SGTA: variants seen among roughly 807,000 people sequenced by gnomAD.
The protein encoded by SGTA is small glutamine-rich tetratricopeptide repeat-containing protein alpha.
In SGTA, 22 loss-of-function variants were observed where a neutral mutation model predicts 44.3. The observed-to-expected ratio is 0.50, with a 90% CI of 0.36 to 0.71. The LOEUF is 0.71. Ranked by LOEUF, SGTA falls within the 30% of genes least tolerant of loss-of-function variation. The probability of loss-of-function intolerance (pLI) is 0.00; values close to 1 mark genes in which losing one functional copy is unlikely to be tolerated. For synonymous variants in SGTA, 174 were observed against 177.6 expected (o/e 0.98, Z 0.16); for missense variants, 341 against 435.9 (o/e 0.78, Z 1.94).
intron 11 of SGTA, among the ~76,000 whole-genome samples, chr19:2,756,727 G>A (rs541122509): frequency 6.6e-6 from 1 of 151,854 alleles, no homozygotes; most frequent in Non-Finnish European, 1.5e-5. Context: ...TGCTGGAGAC[G>A]GACAGGACTG....
At chr19:2,772,495 G>A (rs1024812321) in intron 1 of SGTA, among the ~76,000 whole-genome samples, 1 of 152,220 alleles carries the variant, frequency 6.6e-6, no homozygotes, top group Non-Finnish European at 1.5e-5. Context: ...GACCCTCTGC[G>A]CGCAGCCACG....
rs547485993 is a variant in SGTA at position 2,768,907 on chromosome 19, A to G, written c.100+62T>C. 5 of 1,230,216 alleles carry G rather than the reference A, an allele frequency of 4.1e-6. No individual in the cohort carries two copies. In the African/African-American group the frequency reaches 7.4e-5, roughly 18 times the overall value. The allele number at this position is 1,230,216 out of a possible 1,614,324, so 76.2% of individuals were successfully genotyped here. On this transcript the variant is annotated intron_variant, in intron 2 of 11. Transcript: ENST00000221566. ...CCAGGCATCTACACACCAGGTGTCTACACGAGGCGACTGTGCTGGCCGCTG... is the reference window on the plus strand; with the variant it reads ...CCAGGCATCTACACACCAGGTGTCTGCACGAGGCGACTGTGCTGGCCGCTG...
Position 2,763,539 on chromosome 19 carries a change from C to G in SGTA, c.497+114G>C, listed in dbSNP as rs946161148. The G allele has an allele frequency of 1.0e-5, 7 of 691,352 alleles. No homozygotes were observed. In the South Asian group the frequency reaches 1.3e-4, roughly 13 times the overall value. 42.8% of individuals were successfully genotyped at this position (691,352 alleles called of 1,614,324 possible). ...AGCTAGTGTCAGAGTTGAACTGAAC[C>G]GGGGTGGGAGAATTCGTTGTGGGTG... On this transcript the variant is annotated intron_variant, in intron 6 of 11. Coordinates refer to ENST00000221566, the MANE Select transcript of SGTA (RefSeq NM_003021.4). The surrounding 1 kb of genome is among the most constrained non-coding windows in gnomAD (Gnocchi z 5.8).
intron 5 of SGTA, among the ~76,000 whole-genome samples, chr19:2,764,402 T>C (rs1915082488): frequency 6.6e-6 from 1 of 152,214 alleles, no homozygotes; most frequent in Non-Finnish European, 1.5e-5. Flanking sequence ...TGTATTTATG[T>C]ATTTATTATT....
chr19:2,778,936 AT>A (rs1347496039), intron 1 of SGTA, among the ~76,000 whole-genome samples: 1 of 152,132 alleles, frequency 6.6e-6, no homozygotes. Context: ...AGCAAGCTCA[AT>A]TTTTTTCCCA....
In SGTA at chr19:2,759,230, A is replaced by T. The variant is rs199780734; in HGVS notation, c.737+27T>A. The T allele has an allele frequency of 2.3e-4, 365 of 1,610,374 alleles. No individual in the cohort carries two copies. The African/African-American group carries it at 4.2e-3, about 19-fold the overall frequency. ...TAAAAGGAAATTTAACCACAACAAGACCCGAAGAAACCCGGTTGTCACTTA... is the reference window on the plus strand; with the variant it reads ...TAAAAGGAAATTTAACCACAACAAGTCCCGAAGAAACCCGGTTGTCACTTA... On this transcript the variant is annotated intron_variant, in intron 9 of 11. Coordinates refer to ENST00000221566, the MANE Select transcript of SGTA (RefSeq NM_003021.4).
At position 2,757,767 on chromosome 19, in the gene SGTA, A is replaced by T; in HGVS notation, c.753T>A (p.Ile251=). ...PQIQQLMSGM[I]SGGNNPLGTP... is the part of the protein sequence containing the mutation. ...TTCCCAAGGGGTTGTTGCCACCCGA[A>T]ATCATGCCGGACATGCTGCAGGAGA... Residue 251 remains isoleucine (I), a synonymous_variant, in exon 10 of 12, where the codon ATT becomes ATA. Coordinates refer to ENST00000221566, the MANE Select transcript of SGTA (RefSeq NM_003021.4). 1 of 1,601,694 alleles carries T rather than the reference A, an allele frequency of 6.2e-7. No individual in the cohort carries two copies. The highest frequency in any genetic ancestry group is 1.1e-5 in the South Asian group (1 of 88,606).
rs1289624709 is a variant in SGTA, at chr19:2,762,505, C to T, written c.636+1G>A. 2 of 1,613,746 alleles carry T rather than the reference C, an allele frequency of 1.2e-6. No individual in the cohort carries two copies. The highest frequency in any genetic ancestry group is 8.5e-7 in the Non-Finnish European group (1 of 1,179,922). On this transcript the variant is annotated splice_donor_variant, in intron 7 of 11. Transcript: ENST00000221566. LOFTEE classifies it high-confidence loss of function. ...GAGCCACTCGCCCCCGCTGCACTCA[C>T]GGGGCTGGGGGCCTCCCGCAGCTTC...
intron 1 of SGTA, chr19:2,778,054 G>A (rs1006044493): frequency 2.7e-5 from 4 of 149,620 alleles, no homozygotes; most frequent in Non-Finnish European, 4.4e-5. Flanking sequence ...ACCTGGCTGA[G>A]TCCCCGCATA....
At position 2,769,022 on chromosome 19, in the gene SGTA, T is replaced by A; in HGVS notation, c.47A>T (p.His16Leu). ...RLAYAIIQFL[H>L]DQLRHGGLSS... is the part of the protein sequence containing the mutation. ...GAGGCCCCCGTGCCGGAGCTGGTCATGCAGGAACTGGATGATGGCGTAGGC... is the reference window on the plus strand; with the variant it reads ...GAGGCCCCCGTGCCGGAGCTGGTCAAGCAGGAACTGGATGATGGCGTAGGC... The change falls in exon 2 of 12, where the codon CAT (histidine) becomes CTT (leucine). Residue 16 changes from histidine (H) to leucine (L), a missense_variant. By Grantham distance (99) the His-to-Leu change is moderately conservative (BLOSUM62 -3). Transcript: ENST00000221566. 6.2e-7 allele frequency: 1 copy of A among 1,614,044 alleles called. No individual in the cohort carries two copies. Among genetic ancestry groups the A allele is most frequent in the Non-Finnish European group, 8.5e-7 (1 of 1,179,978 alleles).
chr19:2,780,895 G>C (rs1376348266), intron 1 of SGTA, among the ~76,000 whole-genome samples: 1 of 152,158 alleles, frequency 6.6e-6, no homozygotes, highest in African/African-American at 2.4e-5. Context: ...GACCAGCCTG[G>C]GCAACACAGT....
At position 2,767,602 on chromosome 19, in the gene SGTA, A is replaced by C; in HGVS notation, c.185T>G (p.Phe62Cys). 1.2e-6 allele frequency: 2 copies of C among 1,613,430 alleles called. No homozygotes were observed. Among genetic ancestry groups the C allele is most frequent in the African/African-American group, 2.7e-5 (2 of 75,044 alleles). Reference sequence around the variant, plus strand: ...CACCTTGCCCGTGGCAGCCGCTTCAAATATCTCCGGCAGAGTCTGAGGGAG... The same window carrying C: ...CACCTTGCCCGTGGCAGCCGCTTCACATATCTCCGGCAGAGTCTGAGGGAG... ...LALPQTLPEI[F>C]EAAATGKEMP... The change falls in exon 3 of 12, where the codon TTT becomes TGT. Residue 62 changes from phenylalanine to cysteine, a missense_variant. Physicochemically the swap from Phe to Cys is radical, Grantham distance 205. Coordinates refer to ENST00000221566, the MANE Select transcript of SGTA (RefSeq NM_003021.4). This position sits in a 1 kb window ranked among gnomAD's most constrained non-coding sequence, Gnocchi z 7.3.
chr19:2,761,422 G>A lies in SGTA; in HGVS notation c.699+38C>T, dbSNP rs1451218184. On this transcript the variant is annotated intron_variant, in intron 8 of 11. Coordinates refer to ENST00000221566, the MANE Select transcript of SGTA (RefSeq NM_003021.4). The surrounding 1 kb of genome is among the most constrained non-coding windows in gnomAD (Gnocchi z 5.7). ...AGCAGATGCGGGCCTGGGGGGTGGC[G>A]CAGACACCATGGACAGGGAGGAGGG... is the stretch of plus-strand genomic sequence containing the variant. 13 of 1,521,458 alleles carry A rather than the reference G, an allele frequency of 8.5e-6. No homozygotes were observed. The highest frequency in any genetic ancestry group is 5.9e-5 in the Admixed American group (3 of 50,928). The allele number at this position is 1,521,458 out of a possible 1,614,324, so 94.2% of individuals were successfully genotyped here.
rs1365517018 is a variant in SGTA, at chr19:2,755,631, GGGAGCACCCCA to G, written c.*298_*308del. ...CCTGCCACTTCTCTGAGAGCGGCCC[GGGAGCACCCCA>G]GGATTCTAGAAAACACTCAAGTGAC... On this transcript the variant is annotated 3_prime_UTR_variant, in exon 12 of 12. Transcript: ENST00000221566. The surrounding 1 kb of genome is among the most constrained non-coding windows in gnomAD (Gnocchi z 5.2). 2.4e-5 allele frequency: 24 copies of G among 985,392 alleles called. No individual in the cohort carries two copies. Among genetic ancestry groups the G allele is most frequent in the Non-Finnish European group, 2.9e-5 (24 of 829,988 alleles). The allele number at this position is 985,392 out of a possible 1,614,324, so 61.0% of individuals were successfully genotyped here. A position where few individuals can be genotyped will look rare whatever the true frequency, so the allele number is the denominator to read the frequency against.
At chr19:2,776,894 T>C (rs1485833521) in intron 1 of SGTA, among the ~76,000 whole-genome samples, 1 of 150,162 alleles carries the variant, frequency 6.7e-6, no homozygotes, top group Non-Finnish European at 1.5e-5. Flanking sequence ...ACCCGGGAGG[T>C]GGAGGCTGCA....
At position 2,755,599 on chromosome 19, in the gene SGTA, C is replaced by T. The variant is rs535463424; in HGVS notation, c.*341G>A. 5.4e-5 allele frequency: 53 copies of T among 985,174 alleles called. No homozygotes were observed. The East Asian group carries it at 1.5e-3, about 27-fold the overall frequency. 61.0% of individuals were successfully genotyped at this position (985,174 alleles called of 1,614,324 possible). On this transcript the variant is annotated 3_prime_UTR_variant, in exon 12 of 12. Transcript: ENST00000221566. The surrounding 1 kb of genome is among the most constrained non-coding windows in gnomAD (Gnocchi z 5.2). ...CCACACGATCCGCCACACGGCTGAA[C>T]GTGAAACCTGCCACTTCTCTGAGAG... is the stretch of plus-strand genomic sequence containing the variant.
In SGTA at chr19:2,763,185, A is replaced by T. The variant is rs1401279864; in HGVS notation, c.497+468T>A. ...GCCTCTGGGGAGACCCAATCCCACA[A>T]ACTCTGAGCAAGGGCATTCAGAGAA... On this transcript the variant is annotated intron_variant, in intron 6 of 11. Coordinates refer to ENST00000221566, the MANE Select transcript of SGTA (RefSeq NM_003021.4). The surrounding 1 kb of genome is among the most constrained non-coding windows in gnomAD (Gnocchi z 5.8). Among the ~76,000 whole-genome samples the T allele has an allele frequency of 6.6e-6, 1 of 152,106 alleles. No homozygotes were observed. The highest frequency in any genetic ancestry group is 6.5e-5 in the Admixed American group (1 of 15,280).
chr19:2,758,555 T>C (rs1914894902), intron 9 of SGTA, among the ~76,000 whole-genome samples: 1 of 150,554 alleles, frequency 6.6e-6, no homozygotes, highest in East Asian at 1.9e-4. Flanking sequence ...GATTTCACCA[T>C]GAAAACAGGT....
intron 9 of SGTA, 23 bp from the exon 10 acceptor site, chr19:2,757,805 C>G (rs980425097): frequency 5.3e-6 from 8 of 1,520,710 alleles, no homozygotes; most frequent in Non-Finnish European, 7.1e-6. Flanking sequence ...GCGCGTGACT[C>G]GCAGCCGGGA....
Sources: allele counts gnomAD v4.1 joint callset (sites outside exome capture counted in the v4.1 genomes callset), GRCh38; gene constraint gnomAD v4.1.1; non-coding constraint Gnocchi (gnomAD v3.1); transcripts MANE v1.5; gene names NCBI Gene and HGNC (gene_info 2026-07-23, HGNC 2026-07-21).